The following CREM variants were observed in gnomAD, a reference collection of about 807,000 sequenced individuals.
CREM encodes cAMP-responsive element modulator.
CREM carries 13 observed loss-of-function variants against 37.3 expected under a neutral mutation model. The ratio of observed to expected loss-of-function variants is 0.35; its 90% CI spans 0.23 to 0.55. The LOEUF is 0.55. Ranked by LOEUF, CREM falls within the 20% of genes least tolerant of loss-of-function variation. The probability of loss-of-function intolerance (pLI) is 0.88; values close to 1 mark genes in which losing one functional copy is unlikely to be tolerated. For synonymous variants in CREM, 124 were observed against 120.2 expected, an observed-to-expected ratio of 1.03 and a Z score of -0.21; for missense variants, 296 against 362.3, an observed-to-expected ratio of 0.82 and a Z score of 1.49.
chr10:35,131,921 T>G (rs753067937), intron 1 of CREM, among the ~76,000 whole-genome samples: 9 of 152,142 alleles, frequency 5.9e-5, no homozygotes, highest in Non-Finnish European at 1.3e-4. Flanking sequence ...GTTTAAAAAT[T>G]TGGTTTCACA....
chr10:35,174,313 G>A (rs1036782584), intron 3 of CREM, among the ~76,000 whole-genome samples: 47 of 152,120 alleles, frequency 3.1e-4, no homozygotes, highest in African/African-American at 1.0e-3. Context: ...GGAGCAATTC[G>A]TTCTGTACTA....
chr10:35,182,682 A>G (rs1411522289), intron 5 of CREM, among the ~76,000 whole-genome samples: 1 of 152,224 alleles, frequency 6.6e-6, no homozygotes, highest in Admixed American at 6.5e-5. Context: ...TACTATTATC[A>G]CAAAAACTAA....
chr10:35,192,538 G>A (rs1178849314), intron 6 of CREM, among the ~76,000 whole-genome samples: 11 of 151,958 alleles, frequency 7.2e-5, no homozygotes, highest in East Asian at 1.9e-4. Context: ...TAGTAGAGAC[G>A]GGGTTACACC....
At chr10:35,145,833 T>C (rs1589407224) in intron 2 of CREM, among the ~76,000 whole-genome samples, 1 of 151,442 alleles carries the variant, frequency 6.6e-6, no homozygotes, top group East Asian at 1.9e-4. Flanking sequence ...CTTTAATTAC[T>C]GACCTGCCAA....
In CREM at chr10:35,195,053, T is replaced by C. The variant is rs73260897; in HGVS notation, c.598+6665T>C. On this transcript the variant is annotated intron_variant, in intron 6 of 7. Transcript: ENST00000685392. ...GTGAGCTCGCCTGTGACAAAGCAAA[T>C]TGATGGCAGTGATAGGCTAGTGATG... 2.1e-4 allele frequency: 172 copies of C among 823,510 alleles called. 2 individuals carry two copies. In the African/African-American group the frequency reaches 2.8e-3, roughly 14 times the overall value. 51.0% of individuals were successfully genotyped at this position (823,510 alleles called of 1,614,324 possible).
intron 3 of CREM, among the ~76,000 whole-genome samples, chr10:35,165,666 G>C (rs911722458): frequency 1.3e-5 from 2 of 151,794 alleles, no homozygotes; most frequent in Non-Finnish European, 2.9e-5. Flanking sequence ...AGCTAAAAGA[G>C]TTTGACTTCT....
chr10:35,194,741 G>GTT (rs33981809), intron 6 of CREM, among the ~76,000 whole-genome samples: 1 of 144,742 alleles, frequency 6.9e-6, no homozygotes, highest in Non-Finnish European at 1.5e-5. Context: ...TAGTCAATGT[G>GTT]TTTTTTTTTT....
At chr10:35,159,271 G>T (rs1203588242) in intron 3 of CREM, among the ~76,000 whole-genome samples, 1 of 151,256 alleles carries the variant, frequency 6.6e-6, no homozygotes, top group Non-Finnish European at 1.5e-5. Flanking sequence ...TCTTTGTCAT[G>T]CAGGAAAAAA....
intron 2 of CREM, among the ~76,000 whole-genome samples, chr10:35,147,264 A>G (rs2092240023): frequency 1.3e-5 from 2 of 151,902 alleles, no homozygotes; most frequent in Admixed American, 6.6e-5. Flanking sequence ...CGTGTTAGCC[A>G]GGATGGTCTC....
chr10:35,156,026 A>C (rs2092889121), intron 3 of CREM, among the ~76,000 whole-genome samples: 2 of 141,196 alleles, frequency 1.4e-5, no homozygotes. Context: ...TGCAACGTCC[A>C]CCTCCCGGGT....
At chr10:35,130,150 C>G in intron 1 of CREM, among the ~76,000 whole-genome samples, 1 of 125,380 alleles carries the variant, frequency 8.0e-6, no homozygotes, top group Non-Finnish European at 1.6e-5. Context: ...GAGCCAAGAT[C>G]AAGCCATTGC....
intron 6 of CREM, among the ~76,000 whole-genome samples, chr10:35,201,955 A>T (rs1431991325): frequency 6.6e-6 from 1 of 152,216 alleles, no homozygotes; most frequent in African/African-American, 2.4e-5. Context: ...TACAGCACAC[A>T]TTAACTCATG....
intron 7 of CREM, among the ~76,000 whole-genome samples, chr10:35,210,196 A>G (rs537887510): frequency 6.6e-6 from 1 of 152,262 alleles, no homozygotes; most frequent in East Asian, 1.9e-4. Context: ...GTTTCAGTGC[A>G]GGCTTTTTTG....
At chr10:35,201,054 G>T (rs1363291580) in intron 6 of CREM, among the ~76,000 whole-genome samples, 1 of 151,044 alleles carries the variant, frequency 6.6e-6, no homozygotes, top group Non-Finnish European at 1.5e-5. Context: ...GGCCATTTGG[G>T]GTTCTATTAT....
chr10:35,174,239 T>C (rs2093950469), intron 3 of CREM, among the ~76,000 whole-genome samples: 1 of 152,202 alleles, frequency 6.6e-6, no homozygotes. Flanking sequence ...AGCCCTCACT[T>C]ACTGTTTGGG....
chr10:35,149,802 C>T (rs1266271120), intron 3 of CREM, among the ~76,000 whole-genome samples: 2 of 150,760 alleles, frequency 1.3e-5, no homozygotes, highest in Non-Finnish European at 2.9e-5. Context: ...AGGTTTTCTG[C>T]GGTATTCTGT....
intron 7 of CREM, among the ~76,000 whole-genome samples, chr10:35,207,901 A>G (rs937059325): frequency 1.3e-5 from 2 of 152,200 alleles, no homozygotes; most frequent in Non-Finnish European, 2.9e-5. Context: ...CTGTTAAACT[A>G]TTTCATCAGC....
intron 3 of CREM, among the ~76,000 whole-genome samples, chr10:35,172,683 C>G (rs1256177701): frequency 4.0e-5 from 6 of 150,948 alleles, no homozygotes; most frequent in African/African-American, 1.5e-4. Context: ...TATTCTGTGT[C>G]CTGAAGTGGG....
chr10:35,156,253 CT>C (rs34829879), intron 3 of CREM, among the ~76,000 whole-genome samples: 22 of 144,538 alleles, frequency 1.5e-4, no homozygotes, highest in Admixed American at 2.1e-4. Context: ...CTTTTCTTTT[CT>C]TTTTTTTTTT....
Sources: allele counts gnomAD v4.1 joint callset (sites outside exome capture counted in the v4.1 genomes callset), GRCh38; gene constraint gnomAD v4.1.1; transcripts MANE v1.5; gene names NCBI Gene and HGNC (gene_info 2026-07-23, HGNC 2026-07-21).